FNBP1L: variants seen among roughly 807,000 people sequenced by gnomAD.
FNBP1L encodes the protein formin-binding protein 1-like.
Under a neutral mutation model 91.2 loss-of-function variants are expected in FNBP1L, and 36 were observed. That is an observed-to-expected ratio of 0.39 (90% CI 0.30 to 0.52). FNBP1L has a LOEUF of 0.52. FNBP1L is among the 20% of genes least tolerant of loss of function. FNBP1L has a pLI of 0.66. For missense variants in FNBP1L, 571 were observed against 732.1 expected (o/e 0.78, Z 2.54); for synonymous variants, 242 against 237.0 (o/e 1.02, Z -0.19).
intron 1 of FNBP1L, among the ~76,000 whole-genome samples, chr1:93,457,462 A>AGTTCCCTT (rs1367407251): frequency 6.6e-6 from 1 of 152,146 alleles, no homozygotes; most frequent in Non-Finnish European, 1.5e-5. Flanking sequence ...TAAAATGTGC[A>AGTTCCCTT]GTTCCCTTGT....
At chr1:93,486,195 T>G (rs1669894583) in intron 1 of FNBP1L, among the ~76,000 whole-genome samples, 1 of 152,206 alleles carries the variant, frequency 6.6e-6, no homozygotes, top group Non-Finnish European at 1.5e-5. Context: ...ATGGAAAATG[T>G]TAGCCTACTG....
chr1:93,466,007 G>A (rs895289856), intron 1 of FNBP1L, among the ~76,000 whole-genome samples: 1 of 152,178 alleles, frequency 6.6e-6, no homozygotes, highest in Non-Finnish European at 1.5e-5. Context: ...GTCTTCTTTT[G>A]AGAAGTATGT....
intron 1 of FNBP1L, among the ~76,000 whole-genome samples, chr1:93,474,328 G>A (rs948417971): frequency 2.0e-5 from 3 of 152,220 alleles, no homozygotes; most frequent in Non-Finnish European, 4.4e-5. Flanking sequence ...ATAAGTTAGA[G>A]GGCAAGGGAA....
chr1:93,466,747 T>C (rs1481505483), intron 1 of FNBP1L, among the ~76,000 whole-genome samples: 1 of 152,184 alleles, frequency 6.6e-6, no homozygotes, highest in Non-Finnish European at 1.5e-5. Context: ...AGAAAGTCAT[T>C]GGTAGCTTGA....
At chr1:93,501,850 T>C (rs180882075) in intron 2 of FNBP1L, among the ~76,000 whole-genome samples, 1 of 152,262 alleles carries the variant, frequency 6.6e-6, no homozygotes, top group East Asian at 1.9e-4. Context: ...GTTTAAAAAG[T>C]CTAATCTGTC....
intron 2 of FNBP1L, among the ~76,000 whole-genome samples, chr1:93,500,607 T>C (rs1302384569): frequency 6.6e-6 from 1 of 152,172 alleles, no homozygotes; most frequent in Non-Finnish European, 1.5e-5. Context: ...AGGTTATGTG[T>C]TTATCCTAAA....
chr1:93,509,661 G>A (rs1442690942), intron 2 of FNBP1L, among the ~76,000 whole-genome samples: 2 of 152,200 alleles, frequency 1.3e-5, no homozygotes, highest in Admixed American at 6.5e-5. Flanking sequence ...CGTGAGCGAC[G>A]CAGAAGACAG....
chr1:93,501,928 CAAA>C (rs746637745), intron 2 of FNBP1L, among the ~76,000 whole-genome samples: 4 of 149,308 alleles, frequency 2.7e-5, no homozygotes, highest in Non-Finnish European at 5.9e-5. Flanking sequence ...GGTGTTTGCA[CAAA>C]ACTCTTCATT....
At chr1:93,524,085 G>GT (rs1671421949) in intron 4 of FNBP1L, among the ~76,000 whole-genome samples, 176 bp from the exon 5 acceptor site, 1 of 152,010 alleles carries the variant, frequency 6.6e-6, no homozygotes, top group Non-Finnish European at 1.5e-5. Flanking sequence ...TTTTTAGGAA[G>GT]TTTTGCATTA....
rs187562146 is a variant in FNBP1L at position 93,516,394 on chromosome 1, A to G, written c.141-5688A>G. Among the ~76,000 whole-genome samples the G allele has an allele frequency of 2.0e-4, 30 of 152,320 alleles. No homozygotes were observed. In the East Asian group the frequency reaches 2.3e-3, roughly 12 times the overall value. On this transcript the variant is annotated intron_variant, in intron 2 of 16. Transcript: ENST00000271234. ...CTCCTTGTCCACTTACGGTGACTCA[A>G]TACATTCAAGTTCCACCCACAGGAG... is the stretch of plus-strand genomic sequence containing the variant.
At chr1:93,469,493 G>T (rs1669208713) in intron 1 of FNBP1L, among the ~76,000 whole-genome samples, 1 of 152,110 alleles carries the variant, frequency 6.6e-6, no homozygotes, top group Non-Finnish European at 1.5e-5. Context: ...ATTATTGATG[G>T]ACATTTGGGT....
chr1:93,515,959 C>T (rs1348287057), intron 2 of FNBP1L, among the ~76,000 whole-genome samples: 4 of 151,950 alleles, frequency 2.6e-5, no homozygotes, highest in Non-Finnish European at 5.9e-5. Flanking sequence ...AATAATTGAC[C>T]TATTATCCTC....
intron 10 of FNBP1L, among the ~76,000 whole-genome samples, chr1:93,540,641 C>T (rs1201347503): frequency 1.3e-5 from 2 of 151,942 alleles, no homozygotes; most frequent in Non-Finnish European, 2.9e-5. Flanking sequence ...TAATATTTCA[C>T]ATAAGATTTC....
intron 11 of FNBP1L, 135 bp from the exon 12 acceptor site, chr1:93,543,972 T>C: frequency 5.9e-6 from 3 of 508,710 alleles, no homozygotes; most frequent in Middle Eastern, 2.9e-4. Context: ...GATTTCTTTT[T>C]TTTTTAAGGG....
chr1:93,497,251 T>C (rs1334505368), intron 1 of FNBP1L, among the ~76,000 whole-genome samples: 2 of 152,222 alleles, frequency 1.3e-5, no homozygotes, highest in Non-Finnish European at 2.9e-5. Flanking sequence ...CGTGAGCCAG[T>C]GCACCTGGCC....
chr1:93,459,356 A>G (rs1057391521), intron 1 of FNBP1L, among the ~76,000 whole-genome samples: 7 of 152,216 alleles, frequency 4.6e-5, no homozygotes, highest in African/African-American at 1.7e-4. Context: ...TACTCAAAAT[A>G]TGTAAGGAAC....
At chr1:93,469,517 T>G (rs971352521) in intron 1 of FNBP1L, among the ~76,000 whole-genome samples, 1 of 152,226 alleles carries the variant, frequency 6.6e-6, no homozygotes, top group African/African-American at 2.4e-5. Flanking sequence ...TTTGAAGTCT[T>G]TGTTATTGTG....
chr1:93,489,124 T>A (rs1670012038), intron 1 of FNBP1L, among the ~76,000 whole-genome samples: 1 of 152,212 alleles, frequency 6.6e-6, no homozygotes, highest in Non-Finnish European at 1.5e-5. Flanking sequence ...TCCAACTTTC[T>A]TCAGCAGCAT....
At chr1:93,501,702 C>T (rs1670443790) in intron 2 of FNBP1L, among the ~76,000 whole-genome samples, 1 of 152,050 alleles carries the variant, frequency 6.6e-6, no homozygotes, top group Non-Finnish European at 1.5e-5. Context: ...AGAAGTGAAT[C>T]TACTTCTAGG....
Sources: gnomAD v4.1 joint callset for allele counts (sites outside exome capture counted in the v4.1 genomes callset) on GRCh38, gnomAD v4.1.1 for gene constraint, MANE v1.5 for transcripts, NCBI Gene and HGNC (gene_info 2026-07-23, HGNC 2026-07-21) for gene names.